Variants in RBFOX1 observed in about 807,000 individuals in gnomAD.
RBFOX1 encodes RNA binding protein fox-1 homolog 1.
Under a neutral mutation model 57.7 loss-of-function variants are expected in RBFOX1, and 8 were observed. The ratio of observed to expected loss-of-function variants is 0.14; its 90% CI spans 0.08 to 0.25. RBFOX1 has a LOEUF of 0.25. RBFOX1 is among the 10% of genes least tolerant of loss of function. The probability of loss-of-function intolerance (pLI) is 1.00; values close to 1 mark genes in which losing one functional copy is unlikely to be tolerated. For missense variants in RBFOX1, 611 were observed against 548.5 expected (o/e 1.11, Z -1.14); for synonymous variants, 326 against 222.4 (o/e 1.47, Z -4.15).
At chr16:7,465,354 A>G (rs1231880495) in intron 4 of RBFOX1, among the ~76,000 whole-genome samples, 10 of 152,196 alleles carry the variant, frequency 6.6e-5, no homozygotes, top group Non-Finnish European at 1.2e-4. Context: ...TGTAGGCGCC[A>G]TAAGGGCGGA....
intron 2 of RBFOX1, among the ~76,000 whole-genome samples, chr16:6,382,949 T>G (rs2152920052): frequency 6.6e-6 from 1 of 152,262 alleles, no homozygotes; most frequent in Non-Finnish European, 1.5e-5. Context: ...ACCAGGAAGC[T>G]CTAAATCCTG....
At chr16:5,606,003 C>G (rs1260186666) in intron 3 of RBFOX1, among the ~76,000 whole-genome samples, 1 of 152,188 alleles carries the variant, frequency 6.6e-6, no homozygotes, top group Non-Finnish European at 1.5e-5. Flanking sequence ...TCCCTCTTCC[C>G]TGGCATCCTT....
intron 2 of RBFOX1, among the ~76,000 whole-genome samples, chr16:6,428,789 C>T (rs1471386008): frequency 1.3e-5 from 2 of 152,122 alleles, no homozygotes; most frequent in East Asian, 1.9e-4. Flanking sequence ...CTATATAATA[C>T]AAGAAGTTCA....
chr16:5,940,106 C>A lies in RBFOX1; in HGVS notation c.351+72771C>A, dbSNP rs1431533657. ...TTCCATCTTCTGCCCTGAAGGCTCA[C>A]CCCGTATTCCACACTGATAATGGTC... On this transcript the variant is annotated intron_variant, in intron 4 of 19. Coordinates refer to the RBFOX1 transcript ENST00000641259. Among the ~76,000 whole-genome samples the A allele has an allele frequency of 1.8e-4, 27 of 152,182 alleles. 1 individual carries two copies. Among genetic ancestry groups the A allele is most frequent in the Admixed American group, 1.7e-3 (26 of 15,268 alleles).
intron 1 of RBFOX1, among the ~76,000 whole-genome samples, chr16:5,330,349 T>C (rs1433661520): frequency 6.6e-6 from 1 of 152,202 alleles, no homozygotes; most frequent in Non-Finnish European, 1.5e-5. Context: ...AAATTATAAA[T>C]TGGTTTATCC....
intron 1 of RBFOX1, among the ~76,000 whole-genome samples, chr16:5,413,719 C>T (rs564491819): frequency 5.3e-5 from 8 of 152,232 alleles, no homozygotes; most frequent in African/African-American, 1.7e-4. Context: ...GTCTCTTTCT[C>T]GTGGTATAAC....
intron 2 of RBFOX1, among the ~76,000 whole-genome samples, chr16:6,603,843 C>G (rs754565138): frequency 1.3e-5 from 2 of 152,130 alleles, no homozygotes; most frequent in Non-Finnish European, 2.9e-5. Flanking sequence ...AGACAGTTGT[C>G]CATGTGACCC....
At chr16:5,435,565 C>G (rs572413760) in intron 1 of RBFOX1, among the ~76,000 whole-genome samples, 1 of 152,148 alleles carries the variant, frequency 6.6e-6, no homozygotes, top group African/African-American at 2.4e-5. Context: ...GGGCAAATGT[C>G]GTCACCACCC....
chr16:5,856,230 T>TACATATATATATATATATATAC (rs1491313683), intron 3 of RBFOX1, among the ~76,000 whole-genome samples: 1 of 65,094 alleles, frequency 1.5e-5, no homozygotes, highest in Admixed American at 2.1e-4. Flanking sequence ...TATATATATG[T>TACATATATATATATATATATAC]ATATATATGT....
At chr16:6,667,188 G>A (rs1051174096) in intron 3 of RBFOX1, among the ~76,000 whole-genome samples, 5 of 152,142 alleles carry the variant, frequency 3.3e-5, no homozygotes, top group African/African-American at 1.2e-4. Context: ...ATTAGCCTCT[G>A]ATGGGCCGGA....
At chr16:6,392,496 G>C (rs939893267) in intron 2 of RBFOX1, among the ~76,000 whole-genome samples, 3 of 152,194 alleles carry the variant, frequency 2.0e-5, no homozygotes, top group East Asian at 1.9e-4. Context: ...TTGTAAAAGA[G>C]ATTGTAAGGG....
intron 4 of RBFOX1, among the ~76,000 whole-genome samples, chr16:7,075,421 G>T (rs759972355): frequency 6.6e-6 from 1 of 152,160 alleles, no homozygotes; most frequent in South Asian, 2.1e-4. Flanking sequence ...TACATGATTA[G>T]GGGAAAGAAG....
chr16:5,327,944 T>C (rs2064631847), intron 1 of RBFOX1, among the ~76,000 whole-genome samples: 1 of 152,152 alleles, frequency 6.6e-6, no homozygotes, highest in Non-Finnish European at 1.5e-5. Flanking sequence ...ATTGTTTCTC[T>C]GATTATTTCT....
intron 4 of RBFOX1, among the ~76,000 whole-genome samples, chr16:7,360,048 T>A (rs138298920): frequency 6.6e-6 from 1 of 152,090 alleles, no homozygotes; most frequent in African/African-American, 2.4e-5. Flanking sequence ...TTAATTACAC[T>A]ATATAGTCTT....
intron 1 of RBFOX1, among the ~76,000 whole-genome samples, chr16:6,140,640 C>G (rs577524094): frequency 3.3e-5 from 5 of 152,274 alleles, no homozygotes; most frequent in African/African-American, 1.2e-4. Flanking sequence ...GTCTTGATCC[C>G]AACTCCTTCC....
At chr16:5,727,567 T>G (rs1047931249) in intron 3 of RBFOX1, among the ~76,000 whole-genome samples, 7 of 152,228 alleles carry the variant, frequency 4.6e-5, no homozygotes, top group Non-Finnish European at 8.8e-5. Context: ...ATGATGTATA[T>G]CCGGTCTCCA....
chr16:5,467,194 C>CT, intron 1 of RBFOX1: 2 of 1,448,798 alleles, frequency 1.4e-6, no homozygotes, highest in African/African-American at 1.5e-5. Context: ...CTCTCTCTCT[C>CT]TCTTTTTTTT....
intron 3 of RBFOX1, among the ~76,000 whole-genome samples, chr16:5,728,739 C>G (rs774788259): frequency 1.1e-4 from 16 of 152,138 alleles, no homozygotes; most frequent in Non-Finnish European, 1.8e-4. Context: ...AGATTTCTTC[C>G]AGGCACAGAG....
intron 2 of RBFOX1, among the ~76,000 whole-genome samples, chr16:6,625,867 T>C (rs1054616163): frequency 6.6e-6 from 1 of 152,224 alleles, no homozygotes; most frequent in African/African-American, 2.4e-5. Context: ...GCCATTGTTG[T>C]TGGGGATTCT....
Sources: gnomAD v4.1 joint callset for allele counts (sites outside exome capture counted in the v4.1 genomes callset) on GRCh38, gnomAD v4.1.1 for gene constraint, MANE v1.5 for transcripts, NCBI Gene and HGNC (gene_info 2026-07-23, HGNC 2026-07-21) for gene names.